The following TTN variants were observed in gnomAD, a reference collection of about 807,000 sequenced individuals.
TTN encodes the protein connectin.
A neutral mutation model predicts 3,223.0 loss-of-function variants in TTN; 1,525 were observed. The ratio of observed to expected loss-of-function variants is 0.47; its 90% CI spans 0.45 to 0.49. The LOEUF (loss-of-function observed/expected upper bound fraction) is 0.49. Ranked by LOEUF, TTN falls within the 20% of genes least tolerant of loss-of-function variation. TTN has a pLI of 0.00. For synonymous variants in TTN, 14,094 were observed against 15,161.0 expected (o/e 0.93, Z 5.17); for missense variants, 40,786 against 43,424.0 (o/e 0.94, Z 5.40).
chr2:178,637,318 G>A (rs932051106), intron 224 of TTN, 51 bp downstream of exon 224: 15 of 1,343,782 alleles, frequency 1.1e-5, no homozygotes, highest in Non-Finnish European at 1.5e-5. Flanking sequence ...ATGAACTTTG[G>A]AAATTCAGAG....
Position 178,631,093 on chromosome 2 carries a change from A to G in TTN, c.43955T>C (p.Ile14652Thr), listed in dbSNP as rs767038885. 7 of 1,613,186 alleles carry G rather than the reference A, an allele frequency of 4.3e-6. No homozygotes were observed. The highest frequency in any genetic ancestry group is 1.7e-5 in the Admixed American group (1 of 59,944). The part of the protein sequence containing the change: ...LILKKALKSD[I>T]GQYTCDCGTD... ...CCCACAGTCACAGGTGTACTGTCCAATATCTGATTTCAAGGCTTTCTTTAG... is the reference window on the plus strand; with the variant it reads ...CCCACAGTCACAGGTGTACTGTCCAGTATCTGATTTCAAGGCTTTCTTTAG... The change falls in exon 237 of 363, where the codon ATT (isoleucine) becomes ACT (threonine). Residue 14652 changes from isoleucine to threonine, a missense_variant. Coordinates refer to ENST00000589042, the MANE Select transcript of TTN (RefSeq NM_001267550.2).
Position 178,719,779 on chromosome 2 carries a change from G to C in TTN, c.23713C>G (p.Pro7905Ala), listed in dbSNP as rs756887462. ...PEPMTVTTGN[P>A]FALECVVTGT... Reference sequence around the variant, plus strand: ...GTCACTACACACTCTAATGCAAAAGGATTTCCAGTAGTGACAGTCATGGGT... The same window carrying C: ...GTCACTACACACTCTAATGCAAAAGCATTTCCAGTAGTGACAGTCATGGGT... The change falls in exon 82 of 363, where the codon CCT (proline) becomes GCT (alanine). Residue 7905 changes from proline to alanine, a missense_variant. By Grantham distance (27) the Pro-to-Ala change is conservative. Coordinates refer to ENST00000589042, the MANE Select transcript of TTN (RefSeq NM_001267550.2). 1.2e-6 allele frequency: 2 copies of C among 1,613,302 alleles called. No homozygotes were observed. Among genetic ancestry groups the C allele is most frequent in the African/African-American group, 2.7e-5 (2 of 74,884 alleles).
In TTN at chr2:178,591,339, G is replaced by C. The variant is rs2050149593; in HGVS notation, c.60386C>G (p.Thr20129Arg). Residue 20129 changes from threonine (T) to arginine (R), a missense_variant, in exon 304 of 363, where the codon ACA becomes AGA. By Grantham distance (71) the Thr-to-Arg change is moderately conservative. Transcript: ENST00000589042. ...GGTAAGTACTGATGAGAAGTTGTCT[G>C]TTTCAACTGTGTAGTGCTCATCGGT... is the stretch of plus-strand genomic sequence containing the variant. ...IKTDEHYTVE[T>R]DNFSSVLTIK... is the part of the protein sequence containing the mutation. The C allele has an allele frequency of 2.0e-5, 32 of 1,613,320 alleles. No individual in the cohort carries two copies. Among genetic ancestry groups the C allele is most frequent in the Non-Finnish European group, 2.7e-5 (32 of 1,179,510 alleles).
intron 208 of TTN, among the ~76,000 whole-genome samples, 189 bp downstream of exon 208, chr2:178,651,054 T>G (rs1443752353): frequency 1.3e-5 from 2 of 152,098 alleles, no homozygotes; most frequent in African/African-American, 2.4e-5. Context: ...CCAATGCTTG[T>G]AATAAGTAAA....
chr2:178,631,819 A>G (rs1279887700), intron 236 of TTN, among the ~76,000 whole-genome samples: 1 of 152,124 alleles, frequency 6.6e-6, no homozygotes, highest in Non-Finnish European at 1.5e-5. Flanking sequence ...CTTGAAAAAC[A>G]TTCCTCTGAA....
At position 178,548,375 on chromosome 2, in the gene TTN, A is replaced by T; in HGVS notation, c.93251T>A (p.Val31084Asp). The T allele has an allele frequency of 6.2e-7, 1 of 1,613,888 alleles. No individual in the cohort carries two copies. The change falls in exon 339 of 363, where the codon GTT (valine) becomes GAT (aspartate). Residue 31084 changes from valine to aspartate, a missense_variant. By Grantham distance (152) the Val-to-Asp change is radical. Transcript: ENST00000589042. This position sits in a 1 kb window ranked among gnomAD's most constrained non-coding sequence, Gnocchi z 4.3. ...IFKVNDLAEGVPYYFRVSAVN... is the reference protein window; with the variant it reads ...IFKVNDLAEGDPYYFRVSAVN... The stretch of plus-strand genomic sequence containing the variant: ...TGCAGAAACACGGAAATAGTACGGA[A>T]CACCTTCGGCCAGGTCATTGACCTT...
In TTN at chr2:178,590,925, T is replaced by C. The variant is rs2050075865; in HGVS notation, c.60800A>G (p.His20267Arg). ...AGGAGGAGACGGAGGACTAAATTTA[T>C]GCTTAGCAACAGTAGGTGTGGAGTC... ...PLDSTPTVAK[H>R]KFSPPSPPGK... The change falls in exon 304 of 363, where the codon CAT (histidine) becomes CGT (arginine). Residue 20267 changes from histidine (H) to arginine (R), a missense_variant. Transcript: ENST00000589042. The C allele has an allele frequency of 1.2e-6, 2 of 1,613,014 alleles. No homozygotes were observed. Among genetic ancestry groups the C allele is most frequent in the African/African-American group, 2.7e-5 (2 of 74,878 alleles).
At chr2:178,793,377 G>A in intron 9 of TTN, 27 bp downstream of exon 9, 1 of 1,612,988 alleles carries the variant, frequency 6.2e-7, no homozygotes, top group Non-Finnish European at 8.5e-7. Context: ...GAACCTCAGT[G>A]AATTTAAAAT....
chr2:178,537,596 T>A lies in TTN; in HGVS notation c.99611A>T (p.Glu33204Val). The A allele has an allele frequency of 6.2e-7, 1 of 1,613,708 alleles. No homozygotes were observed. The highest frequency in any genetic ancestry group is 8.5e-7 in the Non-Finnish European group (1 of 1,179,704). The change falls in exon 355 of 363, where the codon GAG becomes GTG. Residue 33204 changes from glutamate to valine, a missense_variant. Physicochemically the swap from Glu to Val is moderately radical, Grantham distance 121. Coordinates refer to ENST00000589042, the MANE Select transcript of TTN (RefSeq NM_001267550.2). ...GGAACCCACAGCTCCATAATATTTC[T>A]CTTTCAGTGGGTAACCAGGATGGAA... ...PQFHPGYPLK[E>V]KYYGAVGSTL...
In TTN at chr2:178,733,768, G is replaced by A. The variant is rs756726804; in HGVS notation, c.15621C>T (p.Val5207=). The A allele has an allele frequency of 6.2e-7, 1 of 1,613,816 alleles. No homozygotes were observed. Among genetic ancestry groups the A allele is most frequent in the Non-Finnish European group, 8.5e-7 (1 of 1,179,778 alleles). The part of the protein sequence containing the change: ...ISVTWMKGQE[V]IREDGKIKMS... ...TTTTGATTTTTCCGTCTTCTCTGAT[G>A]ACCTCTTGACCTTTCATCCATGTGA... Residue 5207 remains valine (V), a synonymous_variant, in exon 53 of 363, where the codon GTC becomes GTT. Coordinates refer to ENST00000589042, the MANE Select transcript of TTN (RefSeq NM_001267550.2).
At position 178,532,575 on chromosome 2, in the gene TTN, C is replaced by G. The variant is rs183041707; in HGVS notation, c.104040G>C (p.Arg34680Ser). Residue 34680 changes from arginine (R) to serine (S), a missense_variant, in exon 358 of 363, where the codon AGG becomes AGC. Arg to Ser is a moderately radical substitution (Grantham distance 110). Coordinates refer to ENST00000589042, the MANE Select transcript of TTN (RefSeq NM_001267550.2). ...YLAMKRTEEE[R>S]LRLEEELELG... The stretch of plus-strand genomic sequence containing the variant: ...ACTCAAGCTCTTCTTCAAGACGCAG[C>G]CTCTCTTCCTCTGTTCTTTTCATTG... 1 of 1,613,924 alleles carries G rather than the reference C, an allele frequency of 6.2e-7. No individual in the cohort carries two copies. The highest frequency in any genetic ancestry group is 1.7e-5 in the Admixed American group (1 of 60,012).
rs1705155978 is a variant in TTN, at chr2:178,564,995, C to G, written c.81137G>C (p.Arg27046Thr). The G allele has an allele frequency of 6.2e-7, 1 of 1,612,356 alleles. No individual in the cohort carries two copies. Among genetic ancestry groups the G allele is most frequent in the Non-Finnish European group, 8.5e-7 (1 of 1,179,232 alleles). ...TCCATACCTGTTTTCAGCAAAAATT[C>G]TAAACTGGTACTCCGTGCCTGTTTT... ...KLKTGTEYQF[R>T]IFAENRYGKS... Residue 27046 changes from arginine (R) to threonine (T), a missense_variant, in exon 326 of 363, where the codon AGA (arginine) becomes ACA (threonine). Coordinates refer to ENST00000589042, the MANE Select transcript of TTN (RefSeq NM_001267550.2).
intron 83 of TTN, 85 bp downstream of exon 83, chr2:178,719,079 A>C: frequency 1.3e-6 from 2 of 1,531,200 alleles, no homozygotes; most frequent in Non-Finnish European, 1.7e-6. Flanking sequence ...ATGAAGACAA[A>C]ATAAAGAAAC....
chr2:178,547,671 A>G lies in TTN; in HGVS notation c.93955T>C (p.Ser31319Pro). The stretch of plus-strand genomic sequence containing the variant: ...ACACACGATTCAGCTGAGACAGATG[A>G]GACCTCAATGGGGCCGGTTACTGGA... The part of the protein sequence containing the change: ...PGPVTGPIEV[S>P]SVSAESCVLS... The change falls in exon 339 of 363, where the codon TCA becomes CCA. Residue 31319 changes from serine to proline, a missense_variant. Physicochemically the swap from Ser to Pro is moderately conservative, Grantham distance 74. Transcript: ENST00000589042. 6.2e-7 allele frequency: 1 copy of G among 1,613,930 alleles called. No homozygotes were observed. The highest frequency in any genetic ancestry group is 8.5e-7 in the Non-Finnish European group (1 of 1,179,840).
At chr2:178,751,780 G>C in intron 47 of TTN, 1 of 1,613,106 alleles carries the variant, frequency 6.2e-7, no homozygotes, top group Non-Finnish European at 8.5e-7. Context: ...TGGGCCGATT[G>C]TTATGAAACC....
chr2:178,703,211 T>A (rs1444983757), intron 106 of TTN, among the ~76,000 whole-genome samples: 2 of 152,122 alleles, frequency 1.3e-5, no homozygotes, highest in Non-Finnish European at 2.9e-5. Context: ...ACAAAGTATG[T>A]GTGTGGATGG....
At chr2:178,649,449 A>AT (rs1161956811) in intron 212 of TTN, 105 bp downstream of exon 212, 1 of 1,362,410 alleles carries the variant, frequency 7.3e-7, no homozygotes, top group East Asian at 2.5e-5. Context: ...AAATAAGGAA[A>AT]TTTTTGTCCT....
chr2:178,582,863 C>T (rs2048099794), intron 313 of TTN, 77 bp downstream of exon 313: 2 of 1,225,832 alleles, frequency 1.6e-6, no homozygotes. Flanking sequence ...TGTCTTCTCC[C>T]ACATTATTCT....
Position 178,565,494 on chromosome 2 carries a change from G to A in TTN, c.80638C>T (p.Pro26880Ser). The change falls in exon 326 of 363, where the codon CCT (proline) becomes TCT (serine). Residue 26880 changes from proline (P) to serine (S), a missense_variant. Pro to Ser is a moderately conservative substitution (Grantham distance 74). Coordinates refer to ENST00000589042, the MANE Select transcript of TTN (RefSeq NM_001267550.2). ...GTGTTAAATGGTAACTTTAAACTAGGCTGTATAGTCAAGTCCTTGGCTATG... is the reference window on the plus strand; with the variant it reads ...GTGTTAAATGGTAACTTTAAACTAGACTGTATAGTCAAGTCCTTGGCTATG... ...PVIAKDLTIQ[P>S]SLKLPFNTYS... The A allele has an allele frequency of 6.2e-7, 1 of 1,613,306 alleles. No homozygotes were observed. The highest frequency in any genetic ancestry group is 8.5e-7 in the Non-Finnish European group (1 of 1,179,566).
Sources: gnomAD v4.1 joint callset for allele counts (sites outside exome capture counted in the v4.1 genomes callset) on GRCh38, gnomAD v4.1.1 for gene constraint, Gnocchi (gnomAD v3.1) non-coding constraint, MANE v1.5 for transcripts, NCBI Gene and HGNC (gene_info 2026-07-23, HGNC 2026-07-21) for gene names.